MED12L: variants seen among roughly 807,000 people sequenced by gnomAD.
MED12L encodes the protein mediator of RNA polymerase II transcription subunit 12-like protein.
MED12L carries 60 observed loss-of-function variants against 281.3 expected under a neutral mutation model. The ratio of observed to expected loss-of-function variants is 0.21; its 90% confidence interval spans 0.17 to 0.26. MED12L has a LOEUF of 0.26. Among genes scored for constraint, MED12L ranks in the 10% least tolerant of loss-of-function variants. MED12L has a pLI of 1.00. For synonymous variants in MED12L, 974 were observed against 987.2 expected (o/e 0.99, Z 0.25); for missense variants, 2,146 against 2,680.9 (o/e 0.80, Z 4.41).
intron 5 of MED12L, among the ~76,000 whole-genome samples, chr3:151,147,475 T>C (rs1255674057): frequency 6.6e-6 from 1 of 152,224 alleles, no homozygotes; most frequent in Non-Finnish European, 1.5e-5. Flanking sequence ...TTTAGAACAT[T>C]TTCGCTACCC....
At chr3:151,141,178 G>GTTTTTTGTTTTTT (rs1716904709) in intron 5 of MED12L, among the ~76,000 whole-genome samples, 3 of 102,230 alleles carry the variant, frequency 2.9e-5, no homozygotes, top group African/African-American at 1.3e-4. Context: ...TTTTTTTTTT[G>GTTTTTTGTTTTTT]TTTTTTTTGT....
rs143586310 is a variant in MED12L, at chr3:151,192,939, G to C, written c.2073+285G>C. On this transcript the variant is annotated intron_variant, in intron 15 of 44. Coordinates refer to ENST00000687756, the MANE Select transcript of MED12L (RefSeq NM_001393769.1). ...CATTAATGCGTGAATGTAGCTTCACGATGACAGTCCATGTTGATTTGCTAT... is the reference window on the plus strand; with the variant it reads ...CATTAATGCGTGAATGTAGCTTCACCATGACAGTCCATGTTGATTTGCTAT... Among the ~76,000 whole-genome samples, 65 of 152,198 alleles carry C rather than the reference G, an allele frequency of 4.3e-4. No homozygotes were observed. The East Asian group carries it at 0.011, about 25-fold the overall frequency.
intron 8 of MED12L, among the ~76,000 whole-genome samples, chr3:151,163,072 G>A (rs572063776): frequency 6.6e-6 from 1 of 152,194 alleles, no homozygotes; most frequent in African/African-American, 2.4e-5. Context: ...GTGGTTCTGA[G>A]CATGTGTGCT....
At position 151,368,961 on chromosome 3, in the gene MED12L, C is replaced by T. The variant is rs186801581; in HGVS notation, c.3551-475C>T. On this transcript the variant is annotated intron_variant, in intron 25 of 44. Transcript: ENST00000687756. ...ATTTTTAGTAGAGATGGGGATTTCACTGTGTTGGCCAGACTGGTCTTGAAC... is the reference window on the plus strand; with the variant it reads ...ATTTTTAGTAGAGATGGGGATTTCATTGTGTTGGCCAGACTGGTCTTGAAC... 6.6e-3 allele frequency among the ~76,000 whole-genome samples: 1,010 copies of T among 152,076 alleles called. 9 individuals are homozygous for T. Among genetic ancestry groups the T allele is most frequent in the Non-Finnish European group, 0.011 (760 of 67,984 alleles).
chr3:151,411,288 A>G lies in MED12L; in HGVS notation c.5921A>G (p.Gln1974Arg). ...PGLQQAQTMPQGYTMYGTQMP... is the reference protein window; with the variant it reads ...PGLQQAQTMPRGYTMYGTQMP... ...TGTGCCTACCTGCAGACCATGCCAC[A>G]GGGCTATACAATGTATGGGACACAG... The change falls in exon 41 of 45, where the codon CAG (glutamine) becomes CGG (arginine). Residue 1974 changes from glutamine (Q) to arginine (R), a missense_variant. Gln to Arg is a conservative substitution (Grantham distance 43). Transcript: ENST00000687756. The G allele has an allele frequency of 6.2e-7, 1 of 1,614,188 alleles. No homozygotes were observed. The highest frequency in any genetic ancestry group is 8.5e-7 in the Non-Finnish European group (1 of 1,180,000).
chr3:151,421,592 G>A (rs1215302059), intron 43 of MED12L, among the ~76,000 whole-genome samples: 1 of 151,970 alleles, frequency 6.6e-6, no homozygotes, highest in Non-Finnish European at 1.5e-5. Flanking sequence ...TGTATTTTTA[G>A]TAGAGATGGG....
intron 17 of MED12L, among the ~76,000 whole-genome samples, chr3:151,354,245 A>G (rs2150043080): frequency 6.6e-6 from 1 of 152,184 alleles, no homozygotes; most frequent in African/African-American, 2.4e-5. Flanking sequence ...TTGTAAACAT[A>G]AAATATTAAA....
intron 16 of MED12L, among the ~76,000 whole-genome samples, chr3:151,348,360 A>G (rs71637018): frequency 1.4e-3 from 36 of 24,860 alleles, no homozygotes; most frequent in South Asian, 0.011. Flanking sequence ...AAAAAAAAAA[A>G]AAAGAAAAAA....
At position 151,435,099 on chromosome 3, in the gene MED12L, A is replaced by ATTCT. The variant is rs1449485781; in HGVS notation, c.*2298_*2301dup. 1.7e-5 allele frequency: 2 copies of ATTCT among 115,064 alleles called. No individual in the cohort carries two copies. The highest frequency in any genetic ancestry group is 2.0e-4 in the Admixed American group (2 of 10,170). The allele number at this position is 115,064 out of a possible 1,614,324, so 7.1% of individuals were successfully genotyped here. A position where few individuals can be genotyped will look rare whatever the true frequency, so the allele number is the denominator to read the frequency against. ...TTTTTTTTTCTTTTCTTGCAAATGCATTCTTTTGCATTAAGATGGTCACAA... is the reference window on the plus strand; with the variant it reads ...TTTTTTTTTCTTTTCTTGCAAATGCATTCTTTCTTTTGCATTAAGATGGTCACAA... On this transcript the variant is annotated 3_prime_UTR_variant, in exon 45 of 45. Transcript: ENST00000687756.
chr3:151,165,947 A>G lies in MED12L; in HGVS notation c.1459A>G (p.Ile487Val). 1 of 1,613,518 alleles carries G rather than the reference A, an allele frequency of 6.2e-7. No individual in the cohort carries two copies. Among genetic ancestry groups the G allele is most frequent in the South Asian group, 1.1e-5 (1 of 90,898 alleles). ...SNSMETLYHK[I>V]FWANQNKDNQ... is the part of the protein sequence containing the mutation. ...TTCCATGGAGACACTTTATCATAAG[A>G]TTTTCTGGGCAAACCAAAACAAAGA... The change falls in exon 11 of 45, where the codon ATT becomes GTT. Residue 487 changes from isoleucine to valine, a missense_variant. Around this residue, in one of 9 missense-constraint regions of MED12L, gnomAD observed 722 missense variants for 861.2 expected, o/e 0.84. Coordinates refer to ENST00000687756, the MANE Select transcript of MED12L (RefSeq NM_001393769.1).
intron 16 of MED12L, among the ~76,000 whole-genome samples, chr3:151,196,723 G>C (rs565820719): frequency 2.2e-4 from 34 of 152,184 alleles, no homozygotes; most frequent in South Asian, 6.2e-4. Flanking sequence ...CCATTAGCTA[G>C]CTAGAATTGT....
intron 16 of MED12L, among the ~76,000 whole-genome samples, chr3:151,285,706 A>G (rs1743405466): frequency 6.6e-6 from 1 of 152,070 alleles, no homozygotes; most frequent in Admixed American, 6.6e-5. Context: ...TAAAAGAAAA[A>G]AACATATTGA....
intron 21 of MED12L, among the ~76,000 whole-genome samples, chr3:151,364,321 A>G (rs1039264357): frequency 2.6e-5 from 4 of 152,206 alleles, no homozygotes; most frequent in Non-Finnish European, 4.4e-5. Context: ...TTTATATGAT[A>G]GAGCAGGCTC....
rs993390050 is a variant in MED12L at position 151,435,757 on chromosome 3, A to T, written c.*2953A>T. ...TCAGGTTGAATTAAGCATGTAATAT[A>T]AATTCAGTGAATTACAAAAACACAT... On this transcript the variant is annotated 3_prime_UTR_variant, in exon 45 of 45. Transcript: ENST00000687756. The T allele has an allele frequency of 6.6e-6, 1 of 152,216 alleles. No individual in the cohort carries two copies. Among genetic ancestry groups the T allele is most frequent in the Admixed American group, 6.5e-5 (1 of 15,284 alleles). 9.4% of individuals were successfully genotyped at this position (152,216 alleles called of 1,614,324 possible).
Position 151,384,088 on chromosome 3 carries a change from T to G in MED12L, c.4796T>G (p.Leu1599Ter), listed in dbSNP as rs151010505. The change falls in exon 35 of 45, where the codon TTA (leucine) becomes TGA (stop). Residue 1599 changes from leucine to a stop codon, truncating the protein, a stop_gained. Coordinates refer to ENST00000687756, the MANE Select transcript of MED12L (RefSeq NM_001393769.1). LOFTEE classifies it high-confidence loss of function. ...ATAATTATTTTCTTTCTTAGTGAAT[T>G]ATTCACAACAGTTCTTGACATGCTG... Reference protein sequence around the residue: ...GTVDMHTNNELFTTVLDMLGV... With the variant: ...GTVDMHTNNE 1 of 1,611,042 alleles carries G rather than the reference T, an allele frequency of 6.2e-7. No individual in the cohort carries two copies. The highest frequency in any genetic ancestry group is 8.5e-7 in the Non-Finnish European group (1 of 1,179,044).
Position 151,391,752 on chromosome 3 carries a change from T to C in MED12L, c.5608+1617T>C, listed in dbSNP as rs527768779. The stretch of plus-strand genomic sequence containing the variant: ...CTTATATCTTACTTTCTTATTGATT[T>C]ATTATCTTCCCAGAATGTAAGCCTC... On this transcript the variant is annotated intron_variant, in intron 38 of 44. Coordinates refer to ENST00000687756, the MANE Select transcript of MED12L (RefSeq NM_001393769.1). 5.5e-4 allele frequency among the ~76,000 whole-genome samples: 84 copies of C among 152,364 alleles called. 1 individual carries two copies. The highest frequency in any genetic ancestry group is 1.9e-3 in the African/African-American group (79 of 41,584).
intron 16 of MED12L, among the ~76,000 whole-genome samples, chr3:151,275,824 A>T (rs1741755275): frequency 6.6e-6 from 1 of 152,122 alleles, no homozygotes; most frequent in African/African-American, 2.4e-5. Context: ...TCTCATTAAG[A>T]TAGGATATTT....
At chr3:151,151,031 C>CTTGTTTTTTTTTT (rs1718398683) in intron 5 of MED12L, among the ~76,000 whole-genome samples, 1 of 32,880 alleles carries the variant, frequency 3.0e-5, no homozygotes. Context: ...GCTGAAGTAG[C>CTTGTTTTTTTTTT]TTTTTTTTTT....
At chr3:151,096,369 C>T (rs1330843783) in intron 2 of MED12L, among the ~76,000 whole-genome samples, 1 of 152,158 alleles carries the variant, frequency 6.6e-6, no homozygotes, top group African/African-American at 2.4e-5. Context: ...ATGAGGGCCA[C>T]TCCCCCCGCC....
Sources: allele counts gnomAD v4.1 joint callset (sites outside exome capture counted in the v4.1 genomes callset), GRCh38; gene constraint gnomAD v4.1.1; regional missense constraint gnomAD v4.1.1; transcripts MANE v1.5; gene names NCBI Gene and HGNC (gene_info 2026-07-23, HGNC 2026-07-21).